Variants in DACT2 observed in about 807,000 individuals in gnomAD.
DACT2 encodes dishevelled binding antagonist of beta catenin 2, also known as dapper homolog 2.
In DACT2, 20 loss-of-function variants were observed where a neutral mutation model predicts 22.2. The observed-to-expected ratio is 0.90, with a 90% CI of 0.63 to 1.31. The LOEUF (loss-of-function observed/expected upper bound fraction) is 1.31. Ranked by LOEUF, DACT2 falls within the 50% of genes most tolerant of loss-of-function variation. The pLI is 0.00. For missense variants in DACT2, 1,048 were observed against 1,061.4 expected (o/e 0.99, Z 0.18); for synonymous variants, 463 against 479.8 (o/e 0.96, Z 0.46).
At chr6:168,294,577 G>GTATATATATATATATATATAA (rs1554269709) in intron 4 of DACT2, 1 of 114,786 alleles carries the variant, frequency 8.7e-6, no homozygotes, top group African/African-American at 5.8e-5. Context: ...GTGTGTGTGT[G>GTATATATATATATATATATAA]TATATATATA....
At chr6:168,294,320 A>G (rs1778961800) in intron 4 of DACT2, 1 of 688,674 alleles carries the variant, frequency 1.5e-6, no homozygotes. Flanking sequence ...GAAGGGGAAG[A>G]GGACGGCCAC....
downstream of DACT2, among the ~76,000 whole-genome samples, chr6:168,306,427 A>G (rs1344909570): frequency 6.6e-6 from 1 of 151,742 alleles, no homozygotes; most frequent in African/African-American, 2.4e-5. Context: ...TCTTTTCCCC[A>G]AAACACTTTT....
downstream of DACT2, among the ~76,000 whole-genome samples, chr6:168,303,083 T>C (rs1279687257): frequency 6.6e-6 from 1 of 152,234 alleles, no homozygotes; most frequent in Admixed American, 6.5e-5. Flanking sequence ...TGCCCTTTTT[T>C]CACTGATCTT....
intron 4 of DACT2, chr6:168,294,262 TC>T (rs1778960845): frequency 1.4e-6 from 1 of 702,454 alleles, no homozygotes. Context: ...GTCACATCTG[TC>T]CCCGAATGCT....
At position 168,307,116 on chromosome 6, in the gene DACT2, A is replaced by AT; in HGVS notation, c.*315dup. 1 of 1,145,320 alleles carries AT rather than the reference A, an allele frequency of 8.7e-7. No homozygotes were observed. The highest frequency in any genetic ancestry group is 1.1e-6 in the Non-Finnish European group (1 of 930,336). 70.9% of individuals were successfully genotyped at this position (1,145,320 alleles called of 1,614,324 possible). A position where few individuals can be genotyped will look rare whatever the true frequency, so the allele number is the denominator to read the frequency against. ...GAGGGGAGTGAGGGCAGGGGAAGCC[A>AT]TGGGAGGATGACAACATGGAAACAA... On this transcript the variant is annotated 3_prime_UTR_variant, in exon 4 of 4. Transcript: ENST00000366795. The surrounding 1 kb of genome is among the most constrained non-coding windows in gnomAD (Gnocchi z 5.3).
intron 1 of DACT2, 124 bp downstream of exon 1, chr6:168,319,264 T>C (rs1220393937): frequency 2.1e-6 from 2 of 936,274 alleles, no homozygotes. Flanking sequence ...TCCATTCAAA[T>C]CCCAAAGGAC....
At chr6:168,311,517 CACAA>C (rs1371669043) in intron 1 of DACT2, among the ~76,000 whole-genome samples, 2 of 151,290 alleles carry the variant, frequency 1.3e-5, no homozygotes, top group South Asian at 2.1e-4. Flanking sequence ...CATACACACA[CACAA>C]ACACACACAC....
At chr6:168,312,369 G>A (rs1779442305) in intron 1 of DACT2, among the ~76,000 whole-genome samples, 1 of 151,776 alleles carries the variant, frequency 6.6e-6, no homozygotes, top group Non-Finnish European at 1.5e-5. Context: ...GCTAATTTTT[G>A]TATTTTTTGT....
intron 3 of DACT2, among the ~76,000 whole-genome samples, chr6:168,297,864 C>T (rs925561467): frequency 3.9e-5 from 6 of 152,252 alleles, no homozygotes; most frequent in African/African-American, 7.2e-5. Context: ...AAGGGCAGCA[C>T]GGGGCAGACA....
rs144294884 is a variant in DACT2 at position 168,312,789 on chromosome 6, A to G, written c.247-1505T>C. 5.2e-3 allele frequency among the ~76,000 whole-genome samples: 796 copies of G among 152,354 alleles called. 9 individuals are homozygous for G. The highest frequency in any genetic ancestry group is 0.024 in the Middle Eastern group (7 of 294). On this transcript the variant is annotated intron_variant, in intron 1 of 3. Transcript: ENST00000366795. ...CCCTGAGCCCCATAACCTAGGCCTC[A>G]GGGAATTACTTCAGTAATTTCCACA...
At chr6:168,296,438 A>T (rs573764614) in intron 3 of DACT2, among the ~76,000 whole-genome samples, 15 of 148,958 alleles carry the variant, frequency 1.0e-4, no homozygotes, top group African/African-American at 3.3e-4. Context: ...GAAACAGCGG[A>T]TCCATCCACA....
chr6:168,294,665 G>A (rs4708711), exon 4 of DACT2: 904,120 of 1,479,998 alleles, frequency 0.61, 282,564 homozygotes, highest in East Asian at 0.88. Context: ...GCCTGCAGGC[G>A]GAGCATGCAT....
At position 168,317,998 on chromosome 6, in the gene DACT2, C is replaced by T. The variant is rs545387126; in HGVS notation, c.246+1390G>A. Among the ~76,000 whole-genome samples the T allele has an allele frequency of 3.1e-4, 37 of 120,672 alleles. 3 individuals carry two copies. The East Asian group carries it at 7.8e-3, about 25-fold the overall frequency. 79.2% of individuals were successfully genotyped at this position (120,672 alleles called of 152,430 possible). A position where few individuals can be genotyped will look rare whatever the true frequency, so the allele number is the denominator to read the frequency against. On this transcript the variant is annotated intron_variant, in intron 1 of 3. Transcript: ENST00000366795. ...CCCTTCCCATCACATGTGTGTAACA[C>T]GTCTGTGGCTGTCGTGTGCTGAGCT...
chr6:168,305,625 C>T (rs1583293818), downstream of DACT2, among the ~76,000 whole-genome samples: 1 of 152,176 alleles, frequency 6.6e-6, no homozygotes, highest in Non-Finnish European at 1.5e-5. Context: ...CAAAAACATG[C>T]GTGGACTGAG....
Position 168,319,213 on chromosome 6 carries a change from G to A in DACT2, c.246+175C>T, listed in dbSNP as rs574774236. On this transcript the variant is annotated intron_variant, in intron 1 of 3. Coordinates refer to ENST00000366795, the MANE Select transcript of DACT2 (RefSeq NM_214462.5). ...GCGCTTCACCTCTAGGCACCTGCGC[G>A]CGGGGCCTCCATGTCCCCCTCCTTG... 4.4e-3 allele frequency among the ~76,000 whole-genome samples: 670 copies of A among 152,192 alleles called. 4 individuals are homozygous for A. The highest frequency in any genetic ancestry group is 0.015 in the African/African-American group (626 of 41,538).
At chr6:168,311,555 C>CACACACACAAACACACACACCCAT (rs747214651) in intron 1 of DACT2, among the ~76,000 whole-genome samples, 1 of 132,136 alleles carries the variant, frequency 7.6e-6, no homozygotes, top group Non-Finnish European at 1.6e-5. Context: ...CACACATACA[C>CACACACACAAACACACACACCCAT]ACACTCACAC....
Position 168,319,648 on chromosome 6 carries a change from C to A in DACT2, c.-15G>T. The A allele has an allele frequency of 8.1e-7, 1 of 1,234,118 alleles. No homozygotes were observed. The highest frequency in any genetic ancestry group is 2.9e-5 in the South Asian group (1 of 34,050). 76.4% of individuals were successfully genotyped at this position (1,234,118 alleles called of 1,614,324 possible). A position where few individuals can be genotyped will look rare whatever the true frequency, so the allele number is the denominator to read the frequency against. ...GGCGTCCACATCTCCCGGGCAGGGTCCCGGCCTCCCGAACCCCACGAGCGG... is the reference window on the plus strand; with the variant it reads ...GGCGTCCACATCTCCCGGGCAGGGTACCGGCCTCCCGAACCCCACGAGCGG... On this transcript the variant is annotated 5_prime_UTR_variant, in exon 1 of 4. Coordinates refer to ENST00000366795, the MANE Select transcript of DACT2 (RefSeq NM_214462.5).
At chr6:168,297,662 G>A (rs140083352) in intron 3 of DACT2, among the ~76,000 whole-genome samples, 30 of 152,358 alleles carry the variant, frequency 2.0e-4, no homozygotes, top group African/African-American at 6.3e-4. Flanking sequence ...GGTAGTTTGT[G>A]ACAGATGAAA....
chr6:168,307,650 C>CG lies in DACT2; in HGVS notation c.2106dup (p.Asp703ArgfsTer12). On this transcript the variant is annotated frameshift_variant, in exon 4 of 4. Coordinates refer to ENST00000366795, the MANE Select transcript of DACT2 (RefSeq NM_214462.5). LOFTEE classifies it low-confidence loss of function (END_TRUNC). The surrounding 1 kb of genome is among the most constrained non-coding windows in gnomAD (Gnocchi z 5.3). ...CTGCTCTGGGCGCCGCCCTCCTCGT[C>CG]GCTGCTGCTGGACTCACGGTCTCCG... 1 of 1,547,556 alleles carries CG rather than the reference C, an allele frequency of 6.5e-7. No homozygotes were observed. Among genetic ancestry groups the CG allele is most frequent in the East Asian group, 2.5e-5 (1 of 40,762 alleles).
Sources: allele counts gnomAD v4.1 joint callset (sites outside exome capture counted in the v4.1 genomes callset), GRCh38; gene constraint gnomAD v4.1.1; non-coding constraint Gnocchi (gnomAD v3.1); transcripts MANE v1.5; gene names NCBI Gene and HGNC (gene_info 2026-07-23, HGNC 2026-07-21).